PSMB1: variants seen among roughly 807,000 people sequenced by gnomAD.
The protein encoded by PSMB1 is proteasome subunit beta type-1.
A neutral mutation model predicts 25.4 loss-of-function variants in PSMB1; 7 were observed. The observed-to-expected ratio is 0.28, with a 90% CI of 0.16 to 0.52. The LOEUF is 0.52. Among genes scored for constraint, PSMB1 ranks in the 20% least tolerant of loss-of-function variants. The probability of loss-of-function intolerance (pLI) is 0.97; values close to 1 mark genes in which losing one functional copy is unlikely to be tolerated. For missense variants in PSMB1, 284 were observed against 302.2 expected, an observed-to-expected ratio of 0.94 and a Z score of 0.45; for synonymous variants, 119 against 115.0, an observed-to-expected ratio of 1.03 and a Z score of -0.22.
chr6:170,553,274 C>T lies in PSMB1; in HGVS notation c.-32G>A, dbSNP rs766974261. The T allele has an allele frequency of 3.3e-6, 5 of 1,531,364 alleles. No homozygotes were observed. The highest frequency in any genetic ancestry group is 1.4e-5 in the African/African-American group (1 of 73,514). 94.9% of individuals were successfully genotyped at this position (1,531,364 alleles called of 1,614,324 possible). The stretch of plus-strand genomic sequence containing the variant: ...GCTGCGCCTGCGGATCCGACACTTG[C>T]TGTCTCACGGCGAGATGGCTGCCTT... On this transcript the variant is annotated 5_prime_UTR_variant, in exon 1 of 6. Transcript: ENST00000262193.
intron 5 of PSMB1, 35 bp from the exon 6 acceptor site, chr6:170,535,440 T>G (rs1337183006): frequency 6.4e-7 from 1 of 1,560,116 alleles, no homozygotes; most frequent in African/African-American, 1.4e-5. Flanking sequence ...AGATGTCATG[T>G]GACAGTGAGC....
rs759741619 is a variant in PSMB1, at chr6:170,553,276, G to C, written c.-34C>G. The C allele has an allele frequency of 2.0e-6, 3 of 1,515,796 alleles. No homozygotes were observed. The highest frequency in any genetic ancestry group is 2.0e-4 in the Middle Eastern group (1 of 5,118). 93.9% of individuals were successfully genotyped at this position (1,515,796 alleles called of 1,614,324 possible). A position where few individuals can be genotyped will look rare whatever the true frequency, so the allele number is the denominator to read the frequency against. On this transcript the variant is annotated 5_prime_UTR_variant, in exon 1 of 6. Transcript: ENST00000262193. Reference sequence around the variant, plus strand: ...TGCGCCTGCGGATCCGACACTTGCTGTCTCACGGCGAGATGGCTGCCTTGA... The same window carrying C: ...TGCGCCTGCGGATCCGACACTTGCTCTCTCACGGCGAGATGGCTGCCTTGA...
intron 5 of PSMB1, 31 bp downstream of exon 5, chr6:170,537,203 T>C (rs770454048): frequency 5.9e-6 from 9 of 1,537,850 alleles, no homozygotes; most frequent in Middle Eastern, 1.7e-4. Context: ...AAGTTGGACA[T>C]AGTATCATTA....
intron 3 of PSMB1, among the ~76,000 whole-genome samples, chr6:170,544,940 T>A (rs150446740): frequency 0.014 from 2,087 of 151,968 alleles, 48 homozygotes; most frequent in African/African-American, 0.047. Context: ...AAGTCAGGGG[T>A]TCGAGACCAG....
At position 170,551,166 on chromosome 6, in the gene PSMB1, G is replaced by A. The variant is rs375232635; in HGVS notation, c.113+1964C>T. On this transcript the variant is annotated intron_variant, in intron 1 of 5. Coordinates refer to ENST00000262193, the MANE Select transcript of PSMB1 (RefSeq NM_002793.4). ...CAAAAAATAAGAAGAAAGGAGAAGA[G>A]GAGATGAAGGGGAATAATTAGCTTG... Among the ~76,000 whole-genome samples, 3 of 152,016 alleles carry A rather than the reference G, an allele frequency of 2.0e-5. No homozygotes were observed. In the South Asian group the frequency reaches 6.2e-4, roughly 32 times the overall value.
chr6:170,536,432 T>A, intron 5 of PSMB1: 2 of 456,502 alleles, frequency 4.4e-6, no homozygotes, highest in Non-Finnish European at 8.8e-6. Context: ...CTATTAGTGA[T>A]GCTGGAACTG....
chr6:170,543,534 T>C, intron 4 of PSMB1, 67 bp downstream of exon 4: 2 of 1,413,344 alleles, frequency 1.4e-6, no homozygotes, highest in Non-Finnish European at 1.9e-6. Flanking sequence ...CAACTCTAGA[T>C]GGATACACAC....
At chr6:170,542,912 C>G (rs568713525) in intron 4 of PSMB1, among the ~76,000 whole-genome samples, 1 of 152,268 alleles carries the variant, frequency 6.6e-6, no homozygotes, top group South Asian at 2.1e-4. Context: ...TGTCAATGGA[C>G]TACTCTAAGT....
At chr6:170,551,687 G>T (rs1363371430) in intron 1 of PSMB1, among the ~76,000 whole-genome samples, 1 of 152,150 alleles carries the variant, frequency 6.6e-6, no homozygotes, top group Admixed American at 6.5e-5. Context: ...AAGTGTTAAG[G>T]TGTATAATGG....
Position 170,535,802 on chromosome 6 carries a change from G to A in PSMB1, c.541-397C>T, listed in dbSNP as rs150196043. On this transcript the variant is annotated intron_variant, in intron 5 of 5. Coordinates refer to ENST00000262193, the MANE Select transcript of PSMB1 (RefSeq NM_002793.4). ...GGTGAGCGCTGAAGGCTACACTGAA[G>A]AGCACAGAACATTCCAGACTGAAGA... 7.6e-4 allele frequency among the ~76,000 whole-genome samples: 116 copies of A among 152,316 alleles called. 1 individual carries two copies. The highest frequency in any genetic ancestry group is 2.4e-3 in the African/African-American group (100 of 41,574).
At chr6:170,540,203 G>A (rs1186679135) in intron 4 of PSMB1, among the ~76,000 whole-genome samples, 1 of 152,108 alleles carries the variant, frequency 6.6e-6, no homozygotes, top group African/African-American at 2.4e-5. Context: ...GTTTCAATAT[G>A]GAGCACTGCT....
chr6:170,546,832 T>C (rs1420512041), intron 2 of PSMB1, among the ~76,000 whole-genome samples: 4 of 152,306 alleles, frequency 2.6e-5, no homozygotes, highest in Middle Eastern at 3.4e-3. Context: ...TTTGACTACA[T>C]AAAATTCTAC....
At chr6:170,542,756 C>T (rs568196555) in intron 4 of PSMB1, among the ~76,000 whole-genome samples, 59 of 152,310 alleles carry the variant, frequency 3.9e-4, no homozygotes, top group African/African-American at 1.4e-3. Flanking sequence ...TCTGCCCCTA[C>T]TTTTAGGGCA....
chr6:170,543,903 G>A (rs1013509365), intron 3 of PSMB1, among the ~76,000 whole-genome samples, 173 bp from the exon 4 acceptor site: 2 of 152,158 alleles, frequency 1.3e-5, no homozygotes, highest in Admixed American at 6.5e-5. Flanking sequence ...TTTAAGGGAA[G>A]GAATGCCAAG....
At chr6:170,536,355 CTTTG>C (rs1478237893) in intron 5 of PSMB1, 2 of 446,910 alleles carry the variant, frequency 4.5e-6, no homozygotes, top group East Asian at 1.4e-4. Flanking sequence ...CAATGTTCTC[CTTTG>C]TTTTTCATTG....
intron 5 of PSMB1, 76 bp from the exon 6 acceptor site, chr6:170,535,481 C>A (rs1419753270): frequency 3.2e-6 from 4 of 1,243,588 alleles, no homozygotes; most frequent in Middle Eastern, 2.8e-4. Context: ...TCTTCCAATA[C>A]CCTCATGTGT....
chr6:170,540,978 A>G (rs755588976), intron 4 of PSMB1, among the ~76,000 whole-genome samples: 91 of 152,304 alleles, frequency 6.0e-4, no homozygotes, highest in Non-Finnish European at 2.2e-4. Context: ...GATAAAACAA[A>G]TAAGAAACTC....
intron 4 of PSMB1, among the ~76,000 whole-genome samples, chr6:170,542,725 G>C (rs1477684373): frequency 6.6e-6 from 1 of 152,112 alleles, no homozygotes; most frequent in Non-Finnish European, 1.5e-5. Context: ...TAGGTTCGGG[G>C]CAGTCCCTTA....
chr6:170,547,881 C>CAAAAAAAAA (rs5881874), intron 2 of PSMB1, among the ~76,000 whole-genome samples: 10 of 112,878 alleles, frequency 8.9e-5, no homozygotes, highest in Admixed American at 2.0e-4. Context: ...ACGTGTTTCA[C>CAAAAAAAAA]AAAAAAAAAA....
Sources: allele counts gnomAD v4.1 joint callset (sites outside exome capture counted in the v4.1 genomes callset), GRCh38; gene constraint gnomAD v4.1.1; transcripts MANE v1.5; gene names NCBI Gene and HGNC (gene_info 2026-07-23, HGNC 2026-07-21).